The following CCNH variants were observed in gnomAD, a reference collection of about 807,000 sequenced individuals.
CCNH encodes the protein cyclin H, also known as cyclin-H.
A neutral mutation model predicts 41.9 loss-of-function variants in CCNH; 31 were observed. The observed-to-expected ratio is 0.74, with a 90% CI of 0.56 to 1.00. The LOEUF is 1.00. Ranked by LOEUF, CCNH falls within the 50% of genes least tolerant of loss-of-function variation. The probability of loss-of-function intolerance (pLI) is 0.00; values close to 1 mark genes in which losing one functional copy is unlikely to be tolerated. For missense variants in CCNH, 362 were observed against 388.4 expected, an observed-to-expected ratio of 0.93 and a Z score of 0.57; for synonymous variants, 138 against 136.1, an observed-to-expected ratio of 1.01 and a Z score of -0.10.
At chr5:87,376,357 C>G in exon 1 of CCNH, 10 of 1,610,226 alleles carry the variant, frequency 6.2e-6, no homozygotes, top group Non-Finnish European at 8.5e-6. Context: ...ATCGTGTTCT[C>G]TTTTTAAACA....
downstream of CCNH, chr5:87,391,833 T>C (rs1309459235): frequency 6.0e-5 from 14 of 231,888 alleles, no homozygotes; most frequent in Non-Finnish European, 1.2e-4. Flanking sequence ...AGTTCAACTG[T>C]ATAGTTTTAT....
At chr5:87,407,565 G>C (rs906904692) in intron 4 of CCNH, among the ~76,000 whole-genome samples, 1 of 152,146 alleles carries the variant, frequency 6.6e-6, no homozygotes, top group Non-Finnish European at 1.5e-5. Context: ...AAGTCACTTA[G>C]CAATCTTCTA....
In CCNH at chr5:87,412,877, C is replaced by T; in HGVS notation, c.-83G>A. ...TCCTGGCGTAAAACACCCGTACCCCCACCGAAGATCTCGCGGAAGCCTAGG... is the reference window on the plus strand; with the variant it reads ...TCCTGGCGTAAAACACCCGTACCCCTACCGAAGATCTCGCGGAAGCCTAGG... On this transcript the variant is annotated 5_prime_UTR_variant, in exon 1 of 9. Transcript: ENST00000256897. 1 of 1,554,736 alleles carries T rather than the reference C, an allele frequency of 6.4e-7. No individual in the cohort carries two copies. Among genetic ancestry groups the T allele is most frequent in the South Asian group, 1.2e-5 (1 of 86,876 alleles).
intron 9 of CCNH, chr5:87,332,535 A>G: frequency 1.2e-6 from 2 of 1,607,634 alleles, no homozygotes; most frequent in Non-Finnish European, 1.7e-6. Flanking sequence ...AGATTACTAC[A>G]TTGGTGGAAG....
At chr5:87,398,732 G>A (rs553189878) in intron 7 of CCNH, among the ~76,000 whole-genome samples, 2 of 152,188 alleles carry the variant, frequency 1.3e-5, no homozygotes, top group South Asian at 2.1e-4. Flanking sequence ...GAAGTATGCC[G>A]GGAGGCCAAG....
At chr5:87,317,749 C>G (rs1248077065), downstream of CCNH, among the ~76,000 whole-genome samples, 1 of 151,894 alleles carries the variant, frequency 6.6e-6, no homozygotes, top group Non-Finnish European at 1.5e-5. Context: ...AATTCTCATG[C>G]CTCAGCCTCC....
At chr5:87,371,983 C>A, downstream of CCNH, 1 of 629,812 alleles carries the variant, frequency 1.6e-6, no homozygotes. Context: ...TTATGAAGTA[C>A]AGTATAGTCT....
chr5:87,372,050 C>A (rs1393703428), downstream of CCNH: 28 of 1,137,170 alleles, frequency 2.5e-5, no homozygotes, highest in Middle Eastern at 2.1e-4. Context: ...AAAAAAAAAA[C>A]CTAACTGATG....
At chr5:87,354,861 A>G (rs761306143) in intron 9 of CCNH, among the ~76,000 whole-genome samples, 1 of 152,222 alleles carries the variant, frequency 6.6e-6, no homozygotes, top group Non-Finnish European at 1.5e-5. Context: ...TATTGCTGAT[A>G]TAGAGAAAAT....
chr5:87,374,459 A>ATTTTTTTTTTTTTT (rs770426797), downstream of CCNH: 2 of 164,172 alleles, frequency 1.2e-5, no homozygotes, highest in African/African-American at 6.0e-5. Context: ...ATATATATAT[A>ATTTTTTTTTTTTTT]TTTTTTTTTT....
At chr5:87,392,461 T>C (rs1276808301), downstream of CCNH, 1 of 412,850 alleles carries the variant, frequency 2.4e-6, no homozygotes, top group Non-Finnish European at 4.8e-6. Flanking sequence ...CCTTCTTGGC[T>C]CTTTTATCAA....
intron 9 of CCNH, among the ~76,000 whole-genome samples, chr5:87,356,791 G>A (rs995425552): frequency 4.6e-5 from 7 of 152,134 alleles, no homozygotes; most frequent in Admixed American, 2.6e-4. Flanking sequence ...CGTGCACTGC[G>A]AAACCAAAAA....
downstream of CCNH, chr5:87,393,439 A>G (rs1436631132): frequency 3.9e-5 from 6 of 152,128 alleles, no homozygotes; most frequent in African/African-American, 1.2e-4. Flanking sequence ...TATCTTCCCC[A>G]TTTTCAGTGT....
intron 9 of CCNH, among the ~76,000 whole-genome samples, chr5:87,370,949 G>A (rs1760891389): frequency 6.6e-6 from 1 of 152,058 alleles, no homozygotes; most frequent in African/African-American, 2.4e-5. Flanking sequence ...CATTTCACAT[G>A]TAATGCACAT....
intron 9 of CCNH, chr5:87,385,384 G>A (rs1429601113): frequency 6.3e-7 from 1 of 1,596,780 alleles, no homozygotes; most frequent in African/African-American, 1.3e-5. Context: ...GGAATTTGGA[G>A]CTAAGGTAAA....
At chr5:87,389,518 T>C (rs769499105), downstream of CCNH, 1 of 1,614,036 alleles carries the variant, frequency 6.2e-7, no homozygotes, top group South Asian at 1.1e-5. Context: ...ATGAGCGTGG[T>C]GCACAGCAGG....
chr5:87,376,708 G>T (rs1761350160), exon 1 of CCNH: 1 of 1,255,212 alleles, frequency 8.0e-7, no homozygotes. Context: ...GTTTTATACT[G>T]TAATTTTGGT....
chr5:87,376,439 A>C (rs1030827217), exon 1 of CCNH: 1 of 1,613,936 alleles, frequency 6.2e-7, no homozygotes, highest in Non-Finnish European at 8.5e-7. Context: ...GGCATGCCAC[A>C]GATGAATGGT....
In CCNH at chr5:87,394,455, T is replaced by G; in HGVS notation, c.963A>C (p.Glu321Asp). Residue 321 changes from glutamate (E) to aspartate (D), a missense_variant, in exon 9 of 9, where the codon GAA becomes GAC. Coordinates refer to ENST00000256897, the MANE Select transcript of CCNH (RefSeq NM_001239.4). ...EEEWTDDDLV[E>D]SL ...AATCAACTTCAAATGGTTAGAGAGA[T>G]TCTACCAGGTCGTCATCAGTCCATT... 1 of 1,613,512 alleles carries G rather than the reference T, an allele frequency of 6.2e-7. No homozygotes were observed. The highest frequency in any genetic ancestry group is 8.5e-7 in the Non-Finnish European group (1 of 1,179,564).
Sources: gnomAD v4.1 joint callset for allele counts (sites outside exome capture counted in the v4.1 genomes callset) on GRCh38, gnomAD v4.1.1 for gene constraint, MANE v1.5 for transcripts, NCBI Gene and HGNC (gene_info 2026-07-23, HGNC 2026-07-21) for gene names.